Variants in WDR7 observed in about 807,000 individuals in gnomAD.
The protein encoded by WDR7 is WD repeat domain 7, also known as WD repeat-containing protein 7.
WDR7 carries 46 observed loss-of-function variants against 169.4 expected under a neutral mutation model. That is an observed-to-expected ratio of 0.27 (90% CI 0.21 to 0.35). The LOEUF is 0.35. Among genes scored for constraint, WDR7 ranks in the 10% least tolerant of loss-of-function variants. The pLI, the probability that WDR7 is intolerant of heterozygous loss-of-function variation, is 1.00. For synonymous variants in WDR7, 612 were observed against 666.8 expected (o/e 0.92, Z 1.27); for missense variants, 1,534 against 1,859.3 (o/e 0.83, Z 3.22).
intron 26 of WDR7, among the ~76,000 whole-genome samples, chr18:57,019,934 A>G (rs904288315): frequency 2.6e-5 from 4 of 152,268 alleles, no homozygotes; most frequent in Non-Finnish European, 2.9e-5. Context: ...TAAATAGTTC[A>G]GTACAGGGAG....
intron 22 of WDR7, among the ~76,000 whole-genome samples, chr18:56,926,744 A>G (rs2046814148): frequency 6.6e-6 from 1 of 152,236 alleles, no homozygotes; most frequent in African/African-American, 2.4e-5. Context: ...TGAGGAGTCC[A>G]ATGTAATTTT....
At chr18:56,773,126 TAAC>T (rs778951666) in intron 16 of WDR7, among the ~76,000 whole-genome samples, 69 of 152,316 alleles carry the variant, frequency 4.5e-4, no homozygotes, top group Non-Finnish European at 8.2e-4. Flanking sequence ...TCTTGTATAA[TAAC>T]AACAAAATAG....
chr18:56,788,425 A>AT (rs1246756145), intron 19 of WDR7, among the ~76,000 whole-genome samples: 2 of 151,874 alleles, frequency 1.3e-5, no homozygotes, highest in African/African-American at 4.8e-5. Flanking sequence ...TTTTACCCTG[A>AT]TTTCGAATTT....
chr18:56,905,653 T>C (rs908249913), intron 21 of WDR7, among the ~76,000 whole-genome samples: 1 of 150,944 alleles, frequency 6.6e-6, no homozygotes, highest in Non-Finnish European at 1.5e-5. Flanking sequence ...CATATGAAAT[T>C]ATACAGGTGC....
At chr18:56,693,534 C>T (rs7237265) in intron 9 of WDR7, among the ~76,000 whole-genome samples, 308 of 147,238 alleles carry the variant, frequency 2.1e-3, no homozygotes, top group African/African-American at 7.0e-3. Context: ...CCTCTAGTTG[C>T]ACAAGCTTGA....
chr18:56,842,752 C>T (rs1333347929), intron 20 of WDR7, among the ~76,000 whole-genome samples: 11 of 152,020 alleles, frequency 7.2e-5, no homozygotes, highest in African/African-American at 2.2e-4. Flanking sequence ...ACTAAATTAC[C>T]GTGGAAGTAT....
Position 56,938,639 on chromosome 18 carries a change from T to A in WDR7, c.3938T>A (p.Leu1313His). 2 of 1,613,714 alleles carry A rather than the reference T, an allele frequency of 1.2e-6. No individual in the cohort carries two copies. Among genetic ancestry groups the A allele is most frequent in the Non-Finnish European group, 1.7e-6 (2 of 1,179,852 alleles). Residue 1313 changes from leucine to histidine, a missense_variant, in exon 24 of 28, where the codon CTT becomes CAT. Physicochemically the swap from Leu to His is moderately conservative, Grantham distance 99. Transcript: ENST00000254442. ...KGEILRVIEI[L>H]IEKMPTDVVD... is the part of the protein sequence containing the mutation. ...GAAATTTTGAGAGTCATTGAAATTC[T>A]TATTGAAAAGATGCCCACAGATGTT...
chr18:56,738,526 A>G (rs11151978), intron 14 of WDR7, among the ~76,000 whole-genome samples: 84,880 of 152,026 alleles, frequency 0.56, 25,987 homozygotes, highest in East Asian at 0.79. Flanking sequence ...CCACAGGACT[A>G]TAGCCTGGGT....
chr18:56,781,692 G>A, intron 19 of WDR7, 36 bp downstream of exon 19: 1 of 1,506,010 alleles, frequency 6.6e-7, no homozygotes, highest in Non-Finnish European at 8.9e-7. Flanking sequence ...AAGCTTTGCA[G>A]GAATATGTAG....
At chr18:57,010,022 A>C in intron 26 of WDR7, 1 of 985,482 alleles carries the variant, frequency 1.0e-6, no homozygotes, top group Non-Finnish European at 1.2e-6. Flanking sequence ...GTTAGTGTGT[A>C]CATGTGTCTG....
intron 12 of WDR7, among the ~76,000 whole-genome samples, chr18:56,700,719 G>A (rs1006229964): frequency 4.7e-5 from 7 of 148,832 alleles, no homozygotes; most frequent in Non-Finnish European, 1.0e-4. Context: ...ACAGGCGCCC[G>A]CTACCACGCC....
At chr18:56,899,210 A>G (rs1372914881) in intron 21 of WDR7, among the ~76,000 whole-genome samples, 1 of 152,104 alleles carries the variant, frequency 6.6e-6, no homozygotes, top group Non-Finnish European at 1.5e-5. Context: ...TAGAAGCATA[A>G]TAATTAGAGA....
At chr18:57,035,747 A>C in the WDR7 span, 1 of 152,248 alleles carries the variant, frequency 6.6e-6, no homozygotes, top group Non-Finnish European at 1.5e-5. Flanking sequence ...AATTAGTAGC[A>C]AGTTTGGAGT....
At chr18:56,882,901 C>T (rs941541719) in intron 21 of WDR7, among the ~76,000 whole-genome samples, 1 of 152,098 alleles carries the variant, frequency 6.6e-6, no homozygotes, top group African/African-American at 2.4e-5. Flanking sequence ...TAGAATTTTT[C>T]CATTGCTTAG....
At chr18:56,887,458 A>G (rs1179394758) in intron 21 of WDR7, among the ~76,000 whole-genome samples, 1 of 152,198 alleles carries the variant, frequency 6.6e-6, no homozygotes, top group Non-Finnish European at 1.5e-5. Flanking sequence ...AGTAAATTCT[A>G]TTTATGAGCG....
chr18:56,825,033 A>T (rs567385132), intron 20 of WDR7, among the ~76,000 whole-genome samples: 1 of 152,186 alleles, frequency 6.6e-6, no homozygotes, highest in African/African-American at 2.4e-5. Context: ...GACAGTGGAG[A>T]TGTACTTGTG....
At chr18:56,744,753 G>C (rs77219562) in intron 14 of WDR7, among the ~76,000 whole-genome samples, 1 of 152,160 alleles carries the variant, frequency 6.6e-6, no homozygotes, top group Admixed American at 6.5e-5. Flanking sequence ...CAACCTTTGC[G>C]TGGGAGGTTT....
chr18:56,846,434 T>A (rs551438380), intron 20 of WDR7, among the ~76,000 whole-genome samples: 1 of 152,314 alleles, frequency 6.6e-6, no homozygotes, highest in Non-Finnish European at 1.5e-5. Context: ...CATGGGTTTA[T>A]CAGGGGTTCC....
At chr18:56,833,677 T>C (rs1307644990) in intron 20 of WDR7, among the ~76,000 whole-genome samples, 1 of 152,170 alleles carries the variant, frequency 6.6e-6, no homozygotes, top group African/African-American at 2.4e-5. Context: ...ATCTTTTCTT[T>C]AACCCCCACC....
Sources: gnomAD v4.1 joint callset for allele counts (sites outside exome capture counted in the v4.1 genomes callset) on GRCh38, gnomAD v4.1.1 for gene constraint, MANE v1.5 for transcripts, NCBI Gene and HGNC (gene_info 2026-07-23, HGNC 2026-07-21) for gene names.